The following KCTD15 variants were observed in gnomAD, a reference collection of about 807,000 sequenced individuals.
KCTD15 encodes the protein BTB/POZ domain-containing protein KCTD15.
A neutral mutation model predicts 27.2 loss-of-function variants in KCTD15; 11 were observed. The ratio of observed to expected loss-of-function variants is 0.41; its 90% CI spans 0.25 to 0.67. The LOEUF (loss-of-function observed/expected upper bound fraction) is 0.67, where lower values mean the gene tolerates loss of function less well. Ranked by LOEUF, KCTD15 falls within the 30% of genes least tolerant of loss-of-function variation. The pLI is 0.35. For synonymous variants in KCTD15, 163 were observed against 176.0 expected (o/e 0.93, Z 0.58); for missense variants, 350 against 409.3 (o/e 0.86, Z 1.25).
chr19:33,812,800 G>A lies in KCTD15; in HGVS notation c.704G>A (p.Arg235Gln), dbSNP rs373632464. 31 of 1,475,748 alleles carry A rather than the reference G, an allele frequency of 2.1e-5. No individual in the cohort carries two copies. Among genetic ancestry groups the A allele is most frequent in the African/African-American group, 8.5e-5 (6 of 70,524 alleles). The allele number at this position is 1,475,748 out of a possible 1,614,324, so 91.4% of individuals were successfully genotyped here. The change falls in exon 7 of 7, where the codon CGG becomes CAG. Residue 235 changes from arginine (R) to glutamine (Q), a missense_variant. Physicochemically the swap from Arg to Gln is conservative, Grantham distance 43 (BLOSUM62 1). Around this residue, in one of 3 missense-constraint regions of KCTD15, gnomAD observed 219 missense variants for 234.9 expected, o/e 0.93. Coordinates refer to ENST00000683859, the MANE Select transcript of KCTD15 (RefSeq NM_001129994.2). The stretch of plus-strand genomic sequence containing the variant: ...TTTCTTCCTGGGCAGGTCCTGGAGC[G>A]GCTGTTCCAGAGGGGTTTCAGCGTG... ...CRLNSVQVLE[R>Q]LFQRGFSVAA...
intron 4 of KCTD15, among the ~76,000 whole-genome samples, chr19:33,805,376 G>T (rs1975679587): frequency 6.6e-6 from 1 of 152,216 alleles, no homozygotes; most frequent in Non-Finnish European, 1.5e-5. Context: ...GGGCAGACTT[G>T]GGGGCTCTGA....
At chr19:33,800,671 G>C (rs2303174) in intron 3 of KCTD15, 151 bp downstream of exon 3, 264,692 of 694,572 alleles carry the variant, frequency 0.38, 53,595 homozygotes, top group African/African-American at 0.42. Context: ...AAACAAAAAT[G>C]CTCTTAATTT....
upstream of KCTD15, among the ~76,000 whole-genome samples, chr19:33,794,410 G>C (rs764034985): frequency 6.6e-6 from 1 of 152,216 alleles, no homozygotes; most frequent in Non-Finnish European, 1.5e-5. Context: ...TCCTAAAACA[G>C]TTTCGCTTAT....
upstream of KCTD15, among the ~76,000 whole-genome samples, chr19:33,794,295 T>C (rs766607903): frequency 9.9e-5 from 15 of 152,224 alleles, no homozygotes; most frequent in Admixed American, 4.6e-4. Context: ...AATCCATTTA[T>C]ACACCCGTCC....
At chr19:33,797,574 G>A (rs1975379876) in intron 1 of KCTD15, among the ~76,000 whole-genome samples, 1 of 152,118 alleles carries the variant, frequency 6.6e-6, no homozygotes, top group Non-Finnish European at 1.5e-5. Flanking sequence ...GCCGCGATGG[G>A]AGGGATCGCC....
intron 4 of KCTD15, among the ~76,000 whole-genome samples, chr19:33,803,325 G>A (rs1405883889): frequency 1.3e-5 from 2 of 152,236 alleles, no homozygotes; most frequent in Non-Finnish European, 2.9e-5. Context: ...TGTCCTTCCT[G>A]TAGTGGATTA....
intron 4 of KCTD15, among the ~76,000 whole-genome samples, chr19:33,803,875 G>A (rs1031285671): frequency 5.3e-5 from 8 of 152,010 alleles, no homozygotes; most frequent in East Asian, 1.9e-4. Flanking sequence ...ACGAGAAGAC[G>A]AAGGCCATCC....
chr19:33,796,533 G>A (rs1464143769), upstream of KCTD15: 1 of 150,824 alleles, frequency 6.6e-6, no homozygotes, highest in Non-Finnish European at 1.5e-5. Flanking sequence ...TGGGTAATTT[G>A]GGGCCGGATC....
In KCTD15 at chr19:33,812,859, CA is replaced by C; in HGVS notation, c.764del (p.Gln255ArgfsTer171). ...ASCGGGVDSS[Q>X]FSEYVLCREE... is the part of the protein sequence containing the mutation. The stretch of plus-strand genomic sequence containing the variant: ...CTGTGGGGGCGGTGTGGACTCCTCC[CA>C]GTTCAGCGAGTATGTGCTTTGCCGG... On this transcript the variant is annotated frameshift_variant, in exon 7 of 7. Coordinates refer to ENST00000683859, the MANE Select transcript of KCTD15 (RefSeq NM_001129994.2). LOFTEE classifies it high-confidence loss of function. 6.5e-7 allele frequency: 1 copy of C among 1,546,124 alleles called. No homozygotes were observed. The highest frequency in any genetic ancestry group is 8.7e-7 in the Non-Finnish European group (1 of 1,144,172).
rs1437906334 is a variant in KCTD15 at position 33,815,244 on chromosome 19, CTAATT to C, written c.*2299_*2303del. 1 of 151,790 alleles carries C rather than the reference CTAATT, an allele frequency of 6.6e-6. No homozygotes were observed. Among genetic ancestry groups the C allele is most frequent in the South Asian group, 2.1e-4 (1 of 4,824 alleles). 9.4% of individuals were successfully genotyped at this position (151,790 alleles called of 1,614,324 possible). A position where few individuals can be genotyped will look rare whatever the true frequency, so the allele number is the denominator to read the frequency against. ...TAACTCTACCTGACTAAATGTTACT[CTAATT>C]TATTTATTTCTTTACTAATTAAGTA... On this transcript the variant is annotated 3_prime_UTR_variant, in exon 7 of 7. Coordinates refer to ENST00000683859, the MANE Select transcript of KCTD15 (RefSeq NM_001129994.2).
chr19:33,810,823 G>A (rs1281240258), intron 5 of KCTD15, among the ~76,000 whole-genome samples: 4 of 151,768 alleles, frequency 2.6e-5, no homozygotes, highest in South Asian at 2.1e-4. Context: ...TTTTGCTTCC[G>A]GGTAGGCTGT....
intron 4 of KCTD15, among the ~76,000 whole-genome samples, chr19:33,802,162 T>C (rs184142652): frequency 1.3e-5 from 2 of 152,204 alleles, no homozygotes; most frequent in African/African-American, 4.8e-5. Context: ...CTGACCCGAG[T>C]AGGGTGGGTC....
intron 2 of KCTD15, among the ~76,000 whole-genome samples, chr19:33,799,948 A>G (rs1599669700): frequency 6.6e-6 from 1 of 152,026 alleles, no homozygotes; most frequent in African/African-American, 2.4e-5. Flanking sequence ...TCTTATCACC[A>G]TGGGGATGGT....
At chr19:33,798,432 C>T (rs1348612093) in intron 1 of KCTD15, 1 of 150,954 alleles carries the variant, frequency 6.6e-6, no homozygotes, top group Non-Finnish European at 1.5e-5. Context: ...TCTCTCTGCT[C>T]GGGCGGGCGG....
Position 33,811,303 on chromosome 19 carries a change from C to T in KCTD15, c.444C>T (p.Arg148=), listed in dbSNP as rs1024709421. Residue 148 remains arginine (R), a synonymous_variant, in exon 6 of 7, where the codon CGC becomes CGT. Transcript: ENST00000683859. The part of the protein sequence containing the change: ...ARYYQLQPMV[R]ELERWQQEQE... Reference sequence around the variant, plus strand: ...ACTATCAGCTCCAGCCCATGGTGCGCGAGCTGGAGCGCTGGCAGCAGGAGC... The same window carrying T: ...ACTATCAGCTCCAGCCCATGGTGCGTGAGCTGGAGCGCTGGCAGCAGGAGC... 8 of 1,548,102 alleles carry T rather than the reference C, an allele frequency of 5.2e-6. No individual in the cohort carries two copies. Among genetic ancestry groups the T allele is most frequent in the Non-Finnish European group, 7.0e-6 (8 of 1,146,044 alleles).
chr19:33,805,111 T>TG (rs1476967851), intron 4 of KCTD15, among the ~76,000 whole-genome samples: 1 of 152,148 alleles, frequency 6.6e-6, no homozygotes, highest in Non-Finnish European at 1.5e-5. Context: ...TTTGTAGAGA[T>TG]GGGGTCTTGC....
At chr19:33,798,215 G>A (rs1027036222) in intron 1 of KCTD15, 5 of 152,264 alleles carry the variant, frequency 3.3e-5, no homozygotes, top group African/African-American at 1.2e-4. Context: ...CGGAGCCGAG[G>A]GGAGCTCGAG....
At chr19:33,811,161 G>A (rs892497382) in intron 5 of KCTD15, 86 bp from the exon 6 acceptor site, 4 of 1,160,690 alleles carry the variant, frequency 3.4e-6, no homozygotes, top group South Asian at 3.1e-5. Context: ...GAATTGGTTG[G>A]AACCGGCAGG....
intron 4 of KCTD15, among the ~76,000 whole-genome samples, chr19:33,806,224 G>T (rs925498493): frequency 6.6e-6 from 1 of 151,974 alleles, no homozygotes; most frequent in African/African-American, 2.4e-5. Flanking sequence ...TGAGTGAGCG[G>T]CAGTAGGGGA....
Sources: allele counts gnomAD v4.1 joint callset (sites outside exome capture counted in the v4.1 genomes callset), GRCh38; gene constraint gnomAD v4.1.1; regional missense constraint gnomAD v4.1.1; transcripts MANE v1.5; gene names NCBI Gene and HGNC (gene_info 2026-07-23, HGNC 2026-07-21).